Variants in STPG2 observed in about 807,000 individuals in gnomAD.
STPG2 encodes the protein sperm-tail PG-rich repeat-containing protein 2.
Under a neutral mutation model 54.2 loss-of-function variants are expected in STPG2, and 56 were observed. The observed-to-expected ratio is 1.03, with a 90% CI of 0.83 to 1.29. The LOEUF is 1.29. Among genes scored for constraint, STPG2 ranks in the 50% most tolerant of loss-of-function variants. The pLI is 0.00. For synonymous variants in STPG2, 200 were observed against 181.8 expected, an observed-to-expected ratio of 1.10 and a Z score of -0.81; for missense variants, 596 against 544.9, an observed-to-expected ratio of 1.09 and a Z score of -0.93.
intron 9 of STPG2, among the ~76,000 whole-genome samples, chr4:97,824,278 C>T (rs1728183813): frequency 6.6e-6 from 1 of 152,172 alleles, no homozygotes; most frequent in Non-Finnish European, 1.5e-5. Flanking sequence ...CAATGCTTTT[C>T]TCCCTTTCCC....
rs75720348 is a variant in STPG2 at position 97,490,627 on chromosome 4, C to G, written c.462+222072G>C. 4.1e-3 allele frequency among the ~76,000 whole-genome samples: 619 copies of G among 151,598 alleles called. 3 individuals carry two copies. The highest frequency in any genetic ancestry group is 0.014 in the African/African-American group (590 of 41,452). ...GGTTTCACTGTTATAATTGAAGTAACAATACAAAACAGTTCACAGTTAAAG... is the reference window on the plus strand; with the variant it reads ...GGTTTCACTGTTATAATTGAAGTAAGAATACAAAACAGTTCACAGTTAAAG... On this transcript the variant is annotated intron_variant, in intron 4 of 4. Coordinates refer to the STPG2 transcript ENST00000522676.
chr4:98,123,807 T>G (rs1233402193), intron 3 of STPG2, among the ~76,000 whole-genome samples: 1 of 152,188 alleles, frequency 6.6e-6, no homozygotes, highest in Non-Finnish European at 1.5e-5. Context: ...ACTATTATTG[T>G]GTGGGAATCT....
intron 2 of STPG2, among the ~76,000 whole-genome samples, chr4:98,130,755 T>C (rs1739964107): frequency 6.6e-6 from 1 of 151,422 alleles, no homozygotes; most frequent in African/African-American, 2.4e-5. Context: ...ACCCCGTCTC[T>C]ACTAAAAATA....
intron 10 of STPG2, among the ~76,000 whole-genome samples, chr4:97,634,885 G>T (rs1359998005): frequency 6.6e-6 from 1 of 151,836 alleles, no homozygotes; most frequent in Non-Finnish European, 1.5e-5. Flanking sequence ...GAAAGTGATG[G>T]GGAGAATGGA....
chr4:97,507,442 C>T (rs1420138092), intron 4 of STPG2, among the ~76,000 whole-genome samples: 1 of 152,070 alleles, frequency 6.6e-6, no homozygotes, highest in Non-Finnish European at 1.5e-5. Flanking sequence ...CTTAACACAT[C>T]TTTCTCAGTA....
chr4:97,537,388 T>C (rs916502142), intron 4 of STPG2, among the ~76,000 whole-genome samples: 3 of 152,182 alleles, frequency 2.0e-5, no homozygotes, highest in Admixed American at 1.3e-4. Context: ...TGGCACACCA[T>C]GGGATTATAT....
At chr4:97,806,380 G>C (rs1040913315) in intron 9 of STPG2, among the ~76,000 whole-genome samples, 1 of 152,046 alleles carries the variant, frequency 6.6e-6, no homozygotes, top group African/African-American at 2.4e-5. Flanking sequence ...GGAAGGAAAG[G>C]CACAAGGATT....
chr4:97,551,988 C>T (rs1731976390), intron 4 of STPG2, among the ~76,000 whole-genome samples: 1 of 152,030 alleles, frequency 6.6e-6, no homozygotes, highest in African/African-American at 2.4e-5. Flanking sequence ...TAATACATAT[C>T]AAAATTAGTT....
At chr4:97,641,044 T>C (rs966243050) in intron 10 of STPG2, among the ~76,000 whole-genome samples, 23 of 151,760 alleles carry the variant, frequency 1.5e-4, no homozygotes, top group African/African-American at 5.3e-4. Context: ...TAAAGTAAAA[T>C]ATTAGCATCT....
intron 8 of STPG2, among the ~76,000 whole-genome samples, chr4:97,868,046 C>A (rs184143119): frequency 8.6e-4 from 131 of 152,000 alleles, no homozygotes; most frequent in Non-Finnish European, 1.6e-3. Flanking sequence ...CACACATATT[C>A]ATTGAACTTT....
rs189217423 is a variant in STPG2 at position 97,832,743 on chromosome 4, G to A, written c.1204+8030C>T. ...ACAGACAAACAGAGCCAAATCATGA[G>A]TGAACTCCTATTCATAATTGCCAGA... On this transcript the variant is annotated intron_variant, in intron 9 of 10. Transcript: ENST00000295268. Among the ~76,000 whole-genome samples, 518 of 152,238 alleles carry A rather than the reference G, an allele frequency of 3.4e-3. 2 individuals are homozygous for A. The highest frequency in any genetic ancestry group is 6.8e-3 in the Middle Eastern group (2 of 294).
At chr4:97,917,037 C>T (rs1731905578) in intron 8 of STPG2, 1 of 152,684 alleles carries the variant, frequency 6.5e-6, no homozygotes, top group Non-Finnish European at 1.5e-5. Context: ...ATCAGTGACA[C>T]ATTCTTCAGC....
intron 10 of STPG2, chr4:97,633,828 G>C (rs1008463947): frequency 6.4e-6 from 1 of 155,990 alleles, no homozygotes; most frequent in African/African-American, 2.4e-5. Flanking sequence ...CCCGCACCTG[G>C]CTCTGAGGGT....
At chr4:97,745,264 A>AAAC (rs34572693) in intron 9 of STPG2, among the ~76,000 whole-genome samples, 61,362 of 123,844 alleles carry the variant, frequency 0.5, 13,417 homozygotes, top group Admixed American at 0.57. Context: ...ACAAAAAAAC[A>AAAC]AAAAAAAAAA....
intron 10 of STPG2, among the ~76,000 whole-genome samples, chr4:97,668,765 T>C (rs1578466700): frequency 1.5e-5 from 2 of 134,364 alleles, no homozygotes; most frequent in South Asian, 5.0e-4. Flanking sequence ...ATGTATAGGA[T>C]AGAGTAGATT....
intron 7 of STPG2, among the ~76,000 whole-genome samples, chr4:97,969,302 A>G (rs562020633): frequency 6.6e-6 from 1 of 152,274 alleles, no homozygotes; most frequent in South Asian, 2.1e-4. Context: ...TATGTCGTAA[A>G]TTCTTATTTC....
intron 9 of STPG2, among the ~76,000 whole-genome samples, chr4:97,768,629 A>C (rs1374064881): frequency 6.6e-6 from 1 of 152,218 alleles, no homozygotes; most frequent in Admixed American, 6.5e-5. Context: ...GTCAAAAGGT[A>C]AAATAAAGGA....
chr4:97,931,645 T>TG (rs1266902384), intron 8 of STPG2, among the ~76,000 whole-genome samples: 1 of 64,684 alleles, frequency 1.5e-5, no homozygotes, highest in African/African-American at 3.2e-5. Context: ...GAAGTTTTTT[T>TG]GTTTTTGGTT....
intron 7 of STPG2, among the ~76,000 whole-genome samples, chr4:97,954,408 G>A (rs1211341146): frequency 1.3e-5 from 2 of 152,184 alleles, no homozygotes; most frequent in African/African-American, 4.8e-5. Context: ...AAGCAACTGT[G>A]TCTTCTTGGG....
Sources: allele counts gnomAD v4.1 joint callset (sites outside exome capture counted in the v4.1 genomes callset), GRCh38; gene constraint gnomAD v4.1.1; transcripts MANE v1.5; gene names NCBI Gene and HGNC (gene_info 2026-07-23, HGNC 2026-07-21).